The following PDE6B variants were observed in gnomAD, a reference collection of about 807,000 sequenced individuals.
PDE6B encodes phosphodiesterase 6B, also known as rod cGMP-specific 3',5'-cyclic phosphodiesterase subunit beta.
A neutral mutation model predicts 109.0 loss-of-function variants in PDE6B; 106 were observed. The observed-to-expected ratio is 0.97, with a 90% CI of 0.83 to 1.14. The LOEUF is 1.14. PDE6B is among the 50% of genes most tolerant of loss of function. The pLI, the probability that PDE6B is intolerant of heterozygous loss-of-function variation, is 0.00. For missense variants in PDE6B, 1,193 were observed against 1,155.6 expected (o/e 1.03, Z -0.47); for synonymous variants, 490 against 471.3 (o/e 1.04, Z -0.51).
In PDE6B at chr4:626,181, G is replaced by A; in HGVS notation, c.468+87G>A. ...TCTAAGGGTCAGCTCGGATCCTCAG[G>A]CCTCCAGGGAGGCCTCTTGTCAGGG... On this transcript the variant is annotated intron_variant, in intron 1 of 21. Transcript: ENST00000496514. The surrounding 1 kb of genome is among the most constrained non-coding windows in gnomAD (Gnocchi z 4.6). 1 of 832,138 alleles carries A rather than the reference G, an allele frequency of 1.2e-6. No individual in the cohort carries two copies. The highest frequency in any genetic ancestry group is 1.5e-5 in the South Asian group (1 of 68,664). 51.5% of individuals were successfully genotyped at this position (832,138 alleles called of 1,614,324 possible). A position where few individuals can be genotyped will look rare whatever the true frequency, so the allele number is the denominator to read the frequency against.
chr4:630,291 T>C (rs1292213036), intron 1 of PDE6B, among the ~76,000 whole-genome samples: 2 of 151,322 alleles, frequency 1.3e-5, no homozygotes, highest in African/African-American at 2.4e-5. Context: ...TGGGCTGGGG[T>C]CGGGCTGCTG....
intron 3 of PDE6B, chr4:653,501 T>C (rs1002600897): frequency 2.1e-5 from 10 of 482,490 alleles, no homozygotes; most frequent in African/African-American, 1.8e-4. Context: ...CTCAAAGCCC[T>C]GCTCGCCGCA....
In PDE6B at chr4:648,491, T is replaced by C. The variant is rs891101130; in HGVS notation, c.712-5361T>C. ...CCTTGAGCTGTGGAAGGAAAGCTGG[T>C]CACTGGGATTGAAGCAGCCTCTGGG... On this transcript the variant is annotated intron_variant, in intron 3 of 21. Coordinates refer to ENST00000496514, the MANE Select transcript of PDE6B (RefSeq NM_000283.4). This position sits in a 1 kb window ranked among gnomAD's most constrained non-coding sequence, Gnocchi z 4.5. 2.6e-5 allele frequency among the ~76,000 whole-genome samples: 4 copies of C among 152,156 alleles called. No homozygotes were observed. Among genetic ancestry groups the C allele is most frequent in the African/African-American group, 4.8e-5 (2 of 41,444 alleles).
At chr4:649,751 C>CG (rs1735401429) in intron 3 of PDE6B, among the ~76,000 whole-genome samples, 1 of 152,096 alleles carries the variant, frequency 6.6e-6, no homozygotes, top group East Asian at 1.9e-4. Context: ...GGCTCAGGGT[C>CG]GGGGGGAGAC....
At chr4:638,289 G>T in intron 3 of PDE6B, among the ~76,000 whole-genome samples, 2 of 152,296 alleles carry the variant, frequency 1.3e-5, no homozygotes, top group South Asian at 4.2e-4. Flanking sequence ...TGATGGGGTT[G>T]TGTTCTTAGC....
At chr4:651,984 T>TGCGGCCAGAGCGGCTCCACGACG (rs1553807954) in intron 3 of PDE6B, 1 of 154,162 alleles carries the variant, frequency 6.5e-6, no homozygotes, top group African/African-American at 2.5e-5. Context: ...GCTCCATGAC[T>TGCGGCCAGAGCGGCTCCACGACG]GTGACTGCGG....
chr4:648,119 C>T lies in PDE6B; in HGVS notation c.712-5733C>T, dbSNP rs1282269383. 6.6e-6 allele frequency among the ~76,000 whole-genome samples: 1 copy of T among 151,874 alleles called. No homozygotes were observed. The highest frequency in any genetic ancestry group is 1.5e-5 in the Non-Finnish European group (1 of 68,006). ...AGAGCCAAGAGTCAGGCGTATTTGC[C>T]CGTTCTGTTGTCTGGTCACCCCAGC... On this transcript the variant is annotated intron_variant, in intron 3 of 21. Transcript: ENST00000496514. The surrounding 1 kb of genome is among the most constrained non-coding windows in gnomAD (Gnocchi z 4.5).
chr4:670,231 A>G lies in PDE6B; in HGVS notation c.*124A>G. ...AGAAAATGACTGAAGATCATTCTGG[A>G]TATTTTAATTTTTTTTTTTTTTTTT... On this transcript the variant is annotated 3_prime_UTR_variant, in exon 22 of 22. Coordinates refer to ENST00000496514, the MANE Select transcript of PDE6B (RefSeq NM_000283.4). The G allele has an allele frequency of 2.4e-6, 3 of 1,251,732 alleles. No homozygotes were observed. Among genetic ancestry groups the G allele is most frequent in the East Asian group, 5.2e-5 (2 of 38,638 alleles). 77.5% of individuals were successfully genotyped at this position (1,251,732 alleles called of 1,614,324 possible).
rs1157883655 is a variant in PDE6B, at chr4:654,848, G to A, written c.952G>A (p.Asp318Asn). Residue 318 changes from aspartate (D) to asparagine (N), a missense_variant, in exon 6 of 22, where the codon GAC (aspartate) becomes AAC (asparagine). Physicochemically the swap from Asp to Asn is conservative, Grantham distance 23. Coordinates refer to ENST00000496514, the MANE Select transcript of PDE6B (RefSeq NM_000283.4). Reference sequence around the variant, plus strand: ...GGAAATTGTCTTCTACAAAGTGATCGACTACGTCCTCCACGGCAAGGAGGA... The same window carrying A: ...GGAAATTGTCTTCTACAAAGTGATCAACTACGTCCTCCACGGCAAGGAGGA... Reference protein sequence around the residue: ...GREIVFYKVIDYVLHGKEEIK... With the variant: ...GREIVFYKVINYVLHGKEEIK... The A allele has an allele frequency of 5.7e-6, 9 of 1,576,654 alleles. No homozygotes were observed. Among genetic ancestry groups the A allele is most frequent in the South Asian group, 3.3e-5 (3 of 90,292 alleles).
intron 11 of PDE6B, among the ~76,000 whole-genome samples, chr4:659,726 A>ATG (rs201759029): frequency 8.9e-5 from 13 of 146,070 alleles, no homozygotes; most frequent in African/African-American, 2.8e-4. Context: ...GTGTGCACCC[A>ATG]TGTGTGTGTG....
chr4:669,934 G>T, intron 21 of PDE6B, 112 bp from the exon 22 acceptor site: 1 of 877,228 alleles, frequency 1.1e-6, no homozygotes. Flanking sequence ...ACAGACCCAG[G>T]TGCTGTCCTT....
intron 1 of PDE6B, among the ~76,000 whole-genome samples, chr4:627,823 T>C (rs1040535419): frequency 1.3e-5 from 2 of 152,070 alleles, no homozygotes; most frequent in Non-Finnish European, 2.9e-5. Context: ...CCCAGGAGTT[T>C]GTCCCCCGCT....
intron 3 of PDE6B, among the ~76,000 whole-genome samples, chr4:644,165 C>T (rs532854284): frequency 6.6e-6 from 1 of 152,028 alleles, no homozygotes; most frequent in Admixed American, 6.5e-5. Context: ...GATCTGCCCG[C>T]CTCGGCCTCC....
In PDE6B at chr4:656,143, T is replaced by G. The variant is rs1012079654; in HGVS notation, c.1060-102T>G. The G allele has an allele frequency of 1.5e-5, 15 of 1,024,168 alleles. No homozygotes were observed. In the African/African-American group the frequency reaches 2.2e-4, roughly 15 times the overall value. The allele number at this position is 1,024,168 out of a possible 1,614,324, so 63.4% of individuals were successfully genotyped here. A position where few individuals can be genotyped will look rare whatever the true frequency, so the allele number is the denominator to read the frequency against. On this transcript the variant is annotated intron_variant, in intron 7 of 21. Transcript: ENST00000496514. Reference sequence around the variant, plus strand: ...TCAGTGAAGCCCCCAGCTGCCCTGCTTTACCTACTTAAAAGCTCACCTCAG... The same window carrying G: ...TCAGTGAAGCCCCCAGCTGCCCTGCGTTACCTACTTAAAAGCTCACCTCAG...
chr4:656,182 A>G (rs1036890302), intron 7 of PDE6B, 63 bp from the exon 8 acceptor site: 21 of 1,240,378 alleles, frequency 1.7e-5, no homozygotes, highest in African/African-American at 3.0e-5. Context: ...CACAGAGGCC[A>G]TTTTAGATCA....
Position 662,428 on chromosome 4 carries a change from C to T in PDE6B, c.1723-81C>T, listed in dbSNP as rs533040333. On this transcript the variant is annotated intron_variant, in intron 13 of 21. Coordinates refer to ENST00000496514, the MANE Select transcript of PDE6B (RefSeq NM_000283.4). This position sits in a 1 kb window ranked among gnomAD's most constrained non-coding sequence, Gnocchi z 4.3. ...GTCGGAGGTCCAACCTCCAACCCGA[C>T]GCCTAGGTCATCCCAACCCCTCACC... The T allele has an allele frequency of 1.1e-5, 11 of 1,027,698 alleles. No homozygotes were observed. The highest frequency in any genetic ancestry group is 1.6e-5 in the African/African-American group (1 of 63,576). 63.7% of individuals were successfully genotyped at this position (1,027,698 alleles called of 1,614,324 possible).
At chr4:655,384 C>T in intron 6 of PDE6B, 2 of 289,608 alleles carry the variant, frequency 6.9e-6, no homozygotes, top group Non-Finnish European at 1.3e-5. Context: ...CCTGTGATCC[C>T]ATAAGCCTAT....
At chr4:630,736 C>T (rs1204848439) in intron 1 of PDE6B, among the ~76,000 whole-genome samples, 1 of 152,162 alleles carries the variant, frequency 6.6e-6, no homozygotes, top group Non-Finnish European at 1.5e-5. Flanking sequence ...GTGGCCAAGC[C>T]CCAATTCCGG....
Position 666,449 on chromosome 4 carries a change from G to A in PDE6B, c.2269-82G>A. 1 of 882,668 alleles carries A rather than the reference G, an allele frequency of 1.1e-6. No homozygotes were observed. The allele number at this position is 882,668 out of a possible 1,614,324, so 54.7% of individuals were successfully genotyped here. A position where few individuals can be genotyped will look rare whatever the true frequency, so the allele number is the denominator to read the frequency against. On this transcript the variant is annotated intron_variant, in intron 19 of 21. Coordinates refer to ENST00000496514, the MANE Select transcript of PDE6B (RefSeq NM_000283.4). The surrounding 1 kb of genome is among the most constrained non-coding windows in gnomAD (Gnocchi z 5.6). ...GCTGTGTCTCCATGAGCACATCTGA[G>A]TGAGGGGGTCGGGGGGCTGGGCGGG...
Sources: allele counts gnomAD v4.1 joint callset (sites outside exome capture counted in the v4.1 genomes callset), GRCh38; gene constraint gnomAD v4.1.1; non-coding constraint Gnocchi (gnomAD v3.1); transcripts MANE v1.5; gene names NCBI Gene and HGNC (gene_info 2026-07-23, HGNC 2026-07-21).